The following STAP1 variants were observed in gnomAD, a reference collection of about 807,000 sequenced individuals.
The protein encoded by STAP1 is signal transducing adaptor family member 1.
In STAP1, 30 loss-of-function variants were observed where a neutral mutation model predicts 37.8. The observed-to-expected ratio is 0.79, with a 90% confidence interval of 0.59 to 1.08. The LOEUF is 1.08. Ranked by LOEUF, STAP1 falls within the 50% of genes least tolerant of loss-of-function variation. The probability of loss-of-function intolerance (pLI) is 0.00; values close to 1 mark genes in which losing one functional copy is unlikely to be tolerated. For synonymous variants in STAP1, 130 were observed against 116.0 expected, an observed-to-expected ratio of 1.12 and a Z score of -0.78; for missense variants, 357 against 349.4, an observed-to-expected ratio of 1.02 and a Z score of -0.17.
intron 1 of STAP1, 107 bp from the exon 2 acceptor site, chr4:67,570,977 A>T: frequency 2.3e-6 from 2 of 870,490 alleles, no homozygotes; most frequent in Non-Finnish European, 3.7e-6. Context: ...GATAAAGAAG[A>T]CTTCTTATAT....
intron 8 of STAP1, among the ~76,000 whole-genome samples, chr4:67,603,314 TC>T (rs1174081206): frequency 6.6e-6 from 1 of 152,152 alleles, no homozygotes; most frequent in Non-Finnish European, 1.5e-5. Flanking sequence ...AGAAATGCCA[TC>T]CAGGAACCAA....
intron 6 of STAP1, among the ~76,000 whole-genome samples, 154 bp downstream of exon 6, chr4:67,583,856 C>T (rs1434947866): frequency 6.6e-6 from 1 of 151,948 alleles, no homozygotes; most frequent in African/African-American, 2.4e-5. Flanking sequence ...CTCAACACTT[C>T]GGGAGGCTGA....
chr4:67,572,568 G>A (rs1727629955), intron 2 of STAP1, among the ~76,000 whole-genome samples: 2 of 152,190 alleles, frequency 1.3e-5, no homozygotes, highest in South Asian at 4.1e-4. Context: ...TCTCTCTCCT[G>A]CCGCAGAGTG....
rs34808968 is a variant in STAP1, at chr4:67,587,719, CTT to C, written c.660-3148_660-3147del. On this transcript the variant is annotated intron_variant, in intron 6 of 8. Coordinates refer to ENST00000265404, the MANE Select transcript of STAP1 (RefSeq NM_012108.4). ...TTAAGGGGACACCTTTTCTTTCTTTCTTTTTTTTTTTTTTTTTTGAGATGGAG... is the reference window on the plus strand; with the variant it reads ...TTAAGGGGACACCTTTTCTTTCTTTCTTTTTTTTTTTTTTTTGAGATGGAG... Among the ~76,000 whole-genome samples the C allele has an allele frequency of 8.2e-4, 105 of 128,014 alleles. No individual in the cohort carries two copies. In the Middle Eastern group the frequency reaches 0.021, roughly 25 times the overall value. The allele number at this position is 128,014 out of a possible 152,430, so 84.0% of individuals were successfully genotyped here. A position where few individuals can be genotyped will look rare whatever the true frequency, so the allele number is the denominator to read the frequency against.
intron 6 of STAP1, among the ~76,000 whole-genome samples, chr4:67,587,761 C>T (rs1286539923): frequency 5.5e-5 from 8 of 144,374 alleles, no homozygotes; most frequent in African/African-American, 2.1e-4. Context: ...GCTCTTGTTG[C>T]CCAGTCTGGA....
At chr4:67,566,530 T>C (rs901372225) in intron 1 of STAP1, among the ~76,000 whole-genome samples, 1 of 152,144 alleles carries the variant, frequency 6.6e-6, no homozygotes, top group Non-Finnish European at 1.5e-5. Context: ...AACAGAGCAG[T>C]ACACTCACTC....
At chr4:67,571,964 C>T (rs1727614915) in intron 2 of STAP1, among the ~76,000 whole-genome samples, 2 of 152,230 alleles carry the variant, frequency 1.3e-5, no homozygotes, top group Non-Finnish European at 2.9e-5. Context: ...CAATTTCCCA[C>T]TGATGTCAGT....
intron 6 of STAP1, among the ~76,000 whole-genome samples, chr4:67,588,599 C>T (rs569677249): frequency 3.2e-4 from 49 of 152,060 alleles, no homozygotes; most frequent in African/African-American, 1.1e-3. Flanking sequence ...TTAGGAGAGA[C>T]GGGGTTTCAC....
At chr4:67,599,169 A>C (rs1367851472) in intron 8 of STAP1, among the ~76,000 whole-genome samples, 1 of 152,184 alleles carries the variant, frequency 6.6e-6, no homozygotes, top group Non-Finnish European at 1.5e-5. Context: ...ATTGGCTTGT[A>C]GTTTTTAAAA....
intron 5 of STAP1, 126 bp downstream of exon 5, chr4:67,581,597 T>C (rs1302574266): frequency 7.1e-6 from 7 of 992,050 alleles, no homozygotes; most frequent in Non-Finnish European, 8.8e-6. Flanking sequence ...ATAAACTGTA[T>C]ATCTCTGCGT....
intron 2 of STAP1, among the ~76,000 whole-genome samples, chr4:67,574,117 T>C (rs1727667774): frequency 2.6e-5 from 4 of 152,096 alleles, no homozygotes; most frequent in African/African-American, 9.7e-5. Flanking sequence ...TATGAATATA[T>C]ATATACATAA....
chr4:67,570,763 A>T (rs532898780), intron 1 of STAP1, among the ~76,000 whole-genome samples: 1 of 151,864 alleles, frequency 6.6e-6, no homozygotes, highest in Admixed American at 6.6e-5. Flanking sequence ...GGAGGGAGGG[A>T]GGAAGGAAAT....
chr4:67,604,244 A>G (rs550385827), intron 8 of STAP1, among the ~76,000 whole-genome samples: 1 of 152,268 alleles, frequency 6.6e-6, no homozygotes, highest in East Asian at 1.9e-4. Context: ...CTGCTGGGAG[A>G]TGGGGGAAGA....
intron 1 of STAP1, among the ~76,000 whole-genome samples, chr4:67,565,736 G>A (rs1036477104): frequency 6.6e-6 from 1 of 151,770 alleles, no homozygotes; most frequent in African/African-American, 2.4e-5. Context: ...CCTAGTTTTG[G>A]GTACTCCTAT....
At chr4:67,586,120 C>T (rs1727974425) in intron 6 of STAP1, among the ~76,000 whole-genome samples, 1 of 152,086 alleles carries the variant, frequency 6.6e-6, no homozygotes, top group Non-Finnish European at 1.5e-5. Context: ...TCTTACTATT[C>T]TGCATGAAAT....
Position 67,583,565 on chromosome 4 carries a change from C to T in STAP1, c.531-9C>T, listed in dbSNP as rs759018717. 2 of 1,594,750 alleles carry T rather than the reference C, an allele frequency of 1.3e-6. No individual in the cohort carries two copies. Among genetic ancestry groups the T allele is most frequent in the South Asian group, 2.3e-5 (2 of 86,926 alleles). ...AAAACAATTCTGTTTTTTTATCTCACCTCTGTAGATGTTTTTATACAGTGT... is the reference window on the plus strand; with the variant it reads ...AAAACAATTCTGTTTTTTTATCTCATCTCTGTAGATGTTTTTATACAGTGT... On this transcript the variant is annotated splice_polypyrimidine_tract_variant and intron_variant, in intron 5 of 8. Transcript: ENST00000265404.
At chr4:67,560,648 GTGTC>G (rs1192115062) in intron 1 of STAP1, among the ~76,000 whole-genome samples, 12 of 151,122 alleles carry the variant, frequency 7.9e-5, no homozygotes, top group East Asian at 3.9e-4. Context: ...GTGTGGGTGT[GTGTC>G]TGTGTGTGTG....
intron 6 of STAP1, 47 bp downstream of exon 6, chr4:67,583,749 T>C (rs758554982): frequency 1.3e-6 from 2 of 1,589,646 alleles, no homozygotes; most frequent in Non-Finnish European, 1.7e-6. Context: ...AAGCGTGGTA[T>C]CACTAAATAC....
chr4:67,603,176 G>A (rs1159237156), intron 8 of STAP1, among the ~76,000 whole-genome samples: 1 of 152,036 alleles, frequency 6.6e-6, no homozygotes, highest in South Asian at 2.1e-4. Flanking sequence ...CCTGTGGCAA[G>A]TACTGCCCGG....
Sources: allele counts gnomAD v4.1 joint callset (sites outside exome capture counted in the v4.1 genomes callset), GRCh38; gene constraint gnomAD v4.1.1; transcripts MANE v1.5; gene names NCBI Gene and HGNC (gene_info 2026-07-23, HGNC 2026-07-21).